The following SYT9 variants were observed in gnomAD, a reference collection of about 807,000 sequenced individuals.
SYT9 encodes synaptotagmin-9.
A neutral mutation model predicts 48.4 loss-of-function variants in SYT9; 22 were observed. The observed-to-expected ratio is 0.45, with a 90% CI of 0.32 to 0.65. The LOEUF is 0.65. Ranked by LOEUF, SYT9 falls within the 30% of genes least tolerant of loss-of-function variation. The pLI, the probability that SYT9 is intolerant of heterozygous loss-of-function variation, is 0.03. For missense variants in SYT9, 577 were observed against 622.0 expected, an observed-to-expected ratio of 0.93 and a Z score of 0.77; for synonymous variants, 265 against 245.0, an observed-to-expected ratio of 1.08 and a Z score of -0.76.
At chr11:7,294,894 G>A (rs1275456169) in intron 1 of SYT9, among the ~76,000 whole-genome samples, 2 of 152,226 alleles carry the variant, frequency 1.3e-5, no homozygotes, top group Non-Finnish European at 2.9e-5. Flanking sequence ...GATAAATAGT[G>A]AATGTTCTCA....
chr11:7,250,460 C>CA (rs879319543), upstream of SYT9, among the ~76,000 whole-genome samples: 2 of 144,190 alleles, frequency 1.4e-5, no homozygotes, highest in Non-Finnish European at 3.0e-5. Flanking sequence ...CACCCCCCCC[C>CA]AGCATCACAC....
At chr11:7,247,524 C>T (rs973978252), upstream of SYT9, among the ~76,000 whole-genome samples, 31 of 145,720 alleles carry the variant, frequency 2.1e-4, no homozygotes, top group African/African-American at 7.6e-4. Context: ...TATATACACA[C>T]ATATATACAT....
chr11:7,256,201 T>C (rs1458824865), intron 1 of SYT9, among the ~76,000 whole-genome samples: 1 of 152,188 alleles, frequency 6.6e-6, no homozygotes, highest in African/African-American at 2.4e-5. Flanking sequence ...AAGTCTTTTC[T>C]TCTGTAGGGT....
At chr11:7,394,110 C>T (rs570714648) in intron 3 of SYT9, among the ~76,000 whole-genome samples, 1 of 151,792 alleles carries the variant, frequency 6.6e-6, no homozygotes, top group Non-Finnish European at 1.5e-5. Context: ...ATCCCTCCCC[C>T]CTTCCCCCAC....
chr11:7,345,998 T>C (rs1167673070), intron 3 of SYT9, among the ~76,000 whole-genome samples: 1 of 152,188 alleles, frequency 6.6e-6, no homozygotes, highest in Non-Finnish European at 1.5e-5. Context: ...TCAGAGTCAC[T>C]CTGACTGAGA....
intron 3 of SYT9, among the ~76,000 whole-genome samples, chr11:7,362,343 C>T (rs1850155423): frequency 6.6e-6 from 1 of 151,782 alleles, no homozygotes; most frequent in Non-Finnish European, 1.5e-5. Context: ...CAATGTTGGC[C>T]AGACTGATCT....
intron 3 of SYT9, among the ~76,000 whole-genome samples, chr11:7,398,113 C>T (rs778639533): frequency 1.3e-5 from 2 of 152,122 alleles, no homozygotes; most frequent in Non-Finnish European, 2.9e-5. Context: ...TACAGATCCC[C>T]ATCCTAAGAG....
chr11:7,340,674 C>T lies in SYT9; in HGVS notation c.1044+26733C>T, dbSNP rs1162151363. ...GTTCTGTACTGGAGGTCTGGACAAG[C>T]CCCTGGTGCCTGCAGACTCTCTAGA... On this transcript the variant is annotated intron_variant, in intron 3 of 6. Transcript: ENST00000318881. Among the ~76,000 whole-genome samples the T allele has an allele frequency of 2.6e-5, 4 of 152,128 alleles. No homozygotes were observed. In the East Asian group the frequency reaches 7.7e-4, roughly 29 times the overall value.
At chr11:7,329,525 G>GA (rs1478258582) in intron 3 of SYT9, among the ~76,000 whole-genome samples, 1 of 152,090 alleles carries the variant, frequency 6.6e-6, no homozygotes, top group Non-Finnish European at 1.5e-5. Context: ...GAGACAAAAG[G>GA]AAAGTGGCAA....
At chr11:7,440,916 A>C (rs1263551626) in intron 6 of SYT9, 1 of 152,230 alleles carries the variant, frequency 6.6e-6, no homozygotes, top group African/African-American at 2.4e-5. Context: ...TAGACAACCC[A>C]CAAGACCAGT....
intron 3 of SYT9, among the ~76,000 whole-genome samples, chr11:7,394,732 G>C (rs1173658939): frequency 6.6e-6 from 1 of 152,048 alleles, no homozygotes; most frequent in Non-Finnish European, 1.5e-5. Flanking sequence ...TCTGGGATTA[G>C]TTTGTTCTTG....
At chr11:7,301,962 G>A (rs1848928684) in intron 1 of SYT9, among the ~76,000 whole-genome samples, 2 of 152,202 alleles carry the variant, frequency 1.3e-5, no homozygotes, top group Admixed American at 6.5e-5. Context: ...GAACTGCCAA[G>A]ACTTGCTGAT....
chr11:7,289,846 C>T (rs1313630690), intron 1 of SYT9, among the ~76,000 whole-genome samples: 1 of 152,124 alleles, frequency 6.6e-6, no homozygotes, highest in Non-Finnish European at 1.5e-5. Context: ...TGCATGACTA[C>T]TGATAAAAAT....
At chr11:7,456,099 C>T (rs1359691640) in intron 6 of SYT9, among the ~76,000 whole-genome samples, 1 of 152,182 alleles carries the variant, frequency 6.6e-6, no homozygotes, top group Non-Finnish European at 1.5e-5. Flanking sequence ...TACCACTTAC[C>T]ACCTCTCATT....
At chr11:7,248,322 A>T (rs1847819808), upstream of SYT9, among the ~76,000 whole-genome samples, 1 of 151,388 alleles carries the variant, frequency 6.6e-6, no homozygotes, top group Non-Finnish European at 1.5e-5. Flanking sequence ...AAAGCTCTTT[A>T]GTTTAATTAA....
chr11:7,341,412 T>G (rs1849710098), intron 3 of SYT9, among the ~76,000 whole-genome samples: 1 of 152,102 alleles, frequency 6.6e-6, no homozygotes, highest in Admixed American at 6.5e-5. Context: ...AAGGGTGGAT[T>G]TTTCCCATGC....
intron 3 of SYT9, among the ~76,000 whole-genome samples, chr11:7,372,622 A>G (rs1405733835): frequency 2.0e-5 from 3 of 151,780 alleles, no homozygotes; most frequent in African/African-American, 4.8e-5. Context: ...TTTTTTCCCC[A>G]TTTTTAGTTG....
intron 3 of SYT9, among the ~76,000 whole-genome samples, chr11:7,403,223 C>G (rs1187529907): frequency 6.6e-6 from 1 of 152,054 alleles, no homozygotes. Flanking sequence ...AAAATACTTT[C>G]TAGTTTTCCT....
At chr11:7,357,252 C>G (rs531474476) in intron 3 of SYT9, among the ~76,000 whole-genome samples, 28 of 152,044 alleles carry the variant, frequency 1.8e-4, no homozygotes, top group Non-Finnish European at 3.7e-4. Context: ...CTATTTGCAT[C>G]TAAAAAATAA....
Sources: gnomAD v4.1 joint callset for allele counts (sites outside exome capture counted in the v4.1 genomes callset) on GRCh38, gnomAD v4.1.1 for gene constraint, MANE v1.5 for transcripts, NCBI Gene and HGNC (gene_info 2026-07-23, HGNC 2026-07-21) for gene names.